The following XPO4 variants were observed in gnomAD, a reference collection of about 807,000 sequenced individuals.
XPO4 encodes exportin 4, also known as exportin-4.
Under a neutral mutation model 143.0 loss-of-function variants are expected in XPO4, and 39 were observed. That is an observed-to-expected ratio of 0.27 (90% confidence interval 0.21 to 0.36). The LOEUF (loss-of-function observed/expected upper bound fraction) is 0.36, where lower values mean the gene tolerates loss of function less well. Ranked by LOEUF, XPO4 falls within the 10% of genes least tolerant of loss-of-function variation. XPO4 has a pLI of 1.00. For missense variants in XPO4, 907 were observed against 1,348.0 expected, an observed-to-expected ratio of 0.67 and a Z score of 5.12; for synonymous variants, 439 against 474.0, an observed-to-expected ratio of 0.93 and a Z score of 0.96.
intron 1 of XPO4, among the ~76,000 whole-genome samples, chr13:20,884,232 T>C (rs968030340): frequency 6.6e-6 from 1 of 152,074 alleles, no homozygotes; most frequent in African/African-American, 2.4e-5. Context: ...AATAAATAAA[T>C]AGCTGGGCAT....
intron 6 of XPO4, among the ~76,000 whole-genome samples, chr13:20,827,917 T>C (rs935154559): frequency 6.6e-6 from 1 of 152,144 alleles, no homozygotes; most frequent in African/African-American, 2.4e-5. Flanking sequence ...TCATTGATAC[T>C]GCCACAGTAA....
chr13:20,818,640 T>A (rs895136827), intron 9 of XPO4, among the ~76,000 whole-genome samples: 30 of 152,326 alleles, frequency 2.0e-4, no homozygotes, highest in African/African-American at 4.8e-4. Context: ...AAAATAATTT[T>A]AAAAAATTAG....
chr13:20,803,373 G>GTGAAAACTTTGGCCTTTCT lies in XPO4; in HGVS notation c.1818-2402_1818-2384dup, dbSNP rs1484639129. ...CCAATCCACATGTTCAGAGGTAGAA[G>GTGAAAACTTTGGCCTTTCT]TGAAAACTTTGGCCTTTCTTTTGTA... On this transcript the variant is annotated intron_variant, in intron 13 of 22. Transcript: ENST00000255305. The surrounding 1 kb of genome is among the most constrained non-coding windows in gnomAD (Gnocchi z 4.1). Among the ~76,000 whole-genome samples, 2 of 152,186 alleles carry GTGAAAACTTTGGCCTTTCT rather than the reference G, an allele frequency of 1.3e-5. No individual in the cohort carries two copies. The highest frequency in any genetic ancestry group is 2.9e-5 in the Non-Finnish European group (2 of 68,040).
chr13:20,843,077 T>C, intron 5 of XPO4, 29 bp from the exon 6 acceptor site: 2 of 1,549,872 alleles, frequency 1.3e-6, no homozygotes, highest in East Asian at 2.4e-5. Flanking sequence ...AAATATTTTA[T>C]ATGAAAAATT....
rs527246063 is a variant in XPO4, at chr13:20,853,441, G to A, written c.456+2186C>T. Among the ~76,000 whole-genome samples, 4 of 152,016 alleles carry A rather than the reference G, an allele frequency of 2.6e-5. No individual in the cohort carries two copies. The East Asian group carries it at 5.8e-4, about 22-fold the overall frequency. On this transcript the variant is annotated intron_variant, in intron 4 of 22. Transcript: ENST00000255305. ...GAGGTGGGAGGATTGGCTGAGCCCA[G>A]GAGACTGAGGCTGAAGTGAGCTATG...
intron 1 of XPO4, among the ~76,000 whole-genome samples, chr13:20,899,513 T>C (rs775786116): frequency 6.6e-6 from 1 of 152,114 alleles, no homozygotes; most frequent in Non-Finnish European, 1.5e-5. Flanking sequence ...TGCTTAGACT[T>C]GATTCTTATT....
chr13:20,865,523 G>A, intron 2 of XPO4: 1 of 984,556 alleles, frequency 1.0e-6, no homozygotes. Flanking sequence ...GGTCACTTTA[G>A]CAAAATGCTT....
At chr13:20,888,175 CA>C (rs60114182) in intron 1 of XPO4, among the ~76,000 whole-genome samples, 10,949 of 90,308 alleles carry the variant, frequency 0.12, 371 homozygotes, top group South Asian at 0.16. Context: ...AACTCCATCT[CA>C]AAAAAAAAAA....
At chr13:20,894,233 T>C (rs896542995) in intron 1 of XPO4, among the ~76,000 whole-genome samples, 1 of 152,236 alleles carries the variant, frequency 6.6e-6, no homozygotes, top group Non-Finnish European at 1.5e-5. Flanking sequence ...CAAATTACAA[T>C]GGACCTAATT....
chr13:20,826,651 GT>G (rs2059789615), intron 7 of XPO4, among the ~76,000 whole-genome samples: 1 of 152,230 alleles, frequency 6.6e-6, no homozygotes, highest in Admixed American at 6.5e-5. Flanking sequence ...AACTTGCTTC[GT>G]TTTCAAAAAT....
intron 4 of XPO4, among the ~76,000 whole-genome samples, chr13:20,845,770 A>G (rs147741368): frequency 6.6e-6 from 1 of 152,322 alleles, no homozygotes; most frequent in African/African-American, 2.4e-5. Context: ...TGATTTTTAA[A>G]CACAGCTAGG....
chr13:20,852,428 C>CTA, intron 4 of XPO4: 3 of 985,390 alleles, frequency 3.0e-6, no homozygotes, highest in Non-Finnish European at 3.6e-6. Flanking sequence ...TTTCCCCAGG[C>CTA]TATCGATGAT....
intron 6 of XPO4, among the ~76,000 whole-genome samples, chr13:20,838,039 A>C (rs1424872120): frequency 6.6e-6 from 1 of 152,098 alleles, no homozygotes; most frequent in Non-Finnish European, 1.5e-5. Context: ...TTGGCCTCCC[A>C]AAGTACTGGG....
intron 1 of XPO4, among the ~76,000 whole-genome samples, chr13:20,899,110 G>A (rs2060595673): frequency 6.6e-6 from 1 of 152,078 alleles, no homozygotes; most frequent in Non-Finnish European, 1.5e-5. Flanking sequence ...GAAAGGGAGG[G>A]GATCGGGGGG....
At chr13:20,889,730 A>T (rs1320123158) in intron 1 of XPO4, among the ~76,000 whole-genome samples, 1 of 152,218 alleles carries the variant, frequency 6.6e-6, no homozygotes, top group Non-Finnish European at 1.5e-5. Context: ...CTGTGACAAG[A>T]ATCCAAAACA....
chr13:20,866,754 A>G lies in XPO4; in HGVS notation c.175+1842T>C, dbSNP rs61954196. ...TTTAGAAAATTTTATCAGGAAAACA[A>G]AAGTATTCCAAAACAAGCTCAATCA... is the stretch of plus-strand genomic sequence containing the variant. On this transcript the variant is annotated intron_variant, in intron 2 of 22. Transcript: ENST00000255305. Among the ~76,000 whole-genome samples, 306 of 152,352 alleles carry G rather than the reference A, an allele frequency of 2.0e-3. 1 individual carries two copies. The highest frequency in any genetic ancestry group is 7.4e-3 in the South Asian group (36 of 4,834).
In XPO4 at chr13:20,783,279, T is replaced by G. The variant is rs2059162279; in HGVS notation, c.*443A>C. On this transcript the variant is annotated 3_prime_UTR_variant, in exon 23 of 23. Transcript: ENST00000255305. The stretch of plus-strand genomic sequence containing the variant: ...CTACAGTTGGGCCTAAGAATCTGCC[T>G]TTTCACCAGCTCCTCAAGTGATGCA... 5.7e-6 allele frequency: 1 copy of G among 175,712 alleles called. No individual in the cohort carries two copies. Among genetic ancestry groups the G allele is most frequent in the East Asian group, 1.5e-4 (1 of 6,536 alleles). The allele number at this position is 175,712 out of a possible 1,614,324, so 10.9% of individuals were successfully genotyped here.
At position 20,825,190 on chromosome 13, in the gene XPO4, A is replaced by G. The variant is rs183293382; in HGVS notation, c.840+1877T>C. ...CCAAGACCTTATAGAAGGAAAAAAA[A>G]TCAAGAAGTTTGTAAACTTCTATAG... is the stretch of plus-strand genomic sequence containing the variant. On this transcript the variant is annotated intron_variant, in intron 7 of 22. Transcript: ENST00000255305. 4.5e-3 allele frequency among the ~76,000 whole-genome samples: 683 copies of G among 152,310 alleles called. 8 individuals are homozygous for G. Among genetic ancestry groups the G allele is most frequent in the African/African-American group, 0.016 (656 of 41,576 alleles).
rs1455645058 is a variant in XPO4, at chr13:20,780,667, A to C, written c.*3055T>G. On this transcript the variant is annotated 3_prime_UTR_variant, in exon 23 of 23. Coordinates refer to ENST00000255305, the MANE Select transcript of XPO4 (RefSeq NM_022459.5). ...AATTCTTAAAATTAGTTTGAAAAAA[A>C]CCTGCAGTTTGTTTACATTAAAAGT... The C allele has an allele frequency of 1.3e-5, 2 of 152,228 alleles. No homozygotes were observed. Among genetic ancestry groups the C allele is most frequent in the African/African-American group, 2.4e-5 (1 of 41,460 alleles). The allele number at this position is 152,228 out of a possible 1,614,324, so 9.4% of individuals were successfully genotyped here. A position where few individuals can be genotyped will look rare whatever the true frequency, so the allele number is the denominator to read the frequency against.
Sources: allele counts gnomAD v4.1 joint callset (sites outside exome capture counted in the v4.1 genomes callset), GRCh38; gene constraint gnomAD v4.1.1; non-coding constraint Gnocchi (gnomAD v3.1); transcripts MANE v1.5; gene names NCBI Gene and HGNC (gene_info 2026-07-23, HGNC 2026-07-21).